The following PKD1L3 variants were observed in gnomAD, a reference collection of about 807,000 sequenced individuals.
PKD1L3 encodes polycystin-1-like protein 3.
Under a neutral mutation model 184.1 loss-of-function variants are expected in PKD1L3, and 239 were observed. The observed-to-expected ratio is 1.30, with a 90% CI of 1.17 to 1.45. The LOEUF (loss-of-function observed/expected upper bound fraction) is 1.45. Among genes scored for constraint, PKD1L3 ranks in the 40% most tolerant of loss-of-function variants. PKD1L3 has a pLI of 0.00. For synonymous variants in PKD1L3, 996 were observed against 778.8 expected (o/e 1.28, Z -4.64); for missense variants, 2,660 against 2,067.2 (o/e 1.29, Z -5.56).
chr16:71,937,476 G>A, intron 24 of PKD1L3, 57 bp from the exon 25 acceptor site: 1 of 1,522,228 alleles, frequency 6.6e-7, no homozygotes, highest in South Asian at 1.3e-5. Flanking sequence ...CCCTCTTCTT[G>A]TTAAACTTTG....
At chr16:71,999,618 T>G in intron 1 of PKD1L3, 66 bp downstream of exon 1, 1 of 1,337,746 alleles carries the variant, frequency 7.5e-7, no homozygotes, top group South Asian at 2.0e-5. Flanking sequence ...ATTTTCTTTT[T>G]TTTTTCTGTC....
chr16:71,958,278 T>C (rs1597320260), intron 16 of PKD1L3, among the ~76,000 whole-genome samples: 1 of 149,444 alleles, frequency 6.7e-6, no homozygotes, highest in East Asian at 2.0e-4. Flanking sequence ...TCCCAGCTAC[T>C]TGGGAGGCTG....
Position 71,986,253 on chromosome 16 carries a change from G to A in PKD1L3, c.802C>T (p.Leu268=), listed in dbSNP as rs769933066. The part of the protein sequence containing the change: ...EGHPNTFTSY[L]QVSLQKASGQ... The stretch of plus-strand genomic sequence containing the variant: ...GATGCCTTCTGCAATGACACTTGTA[G>A]ATAAGAGGTGAAGGTATTCGGATGA... The change falls in exon 5 of 30, where the codon CTA becomes TTA. Residue 268 remains leucine, a synonymous_variant. Transcript: ENST00000620267. 3 of 1,552,240 alleles carry A rather than the reference G, an allele frequency of 1.9e-6. No individual in the cohort carries two copies. The highest frequency in any genetic ancestry group is 2.7e-5 in the African/African-American group (2 of 73,060).
At chr16:71,990,403 C>T (rs2040542783) in intron 3 of PKD1L3, 74 bp from the exon 4 acceptor site, 1 of 1,249,122 alleles carries the variant, frequency 8.0e-7, no homozygotes, top group Admixed American at 2.3e-5. Flanking sequence ...TTGAGGACTT[C>T]TTATTCATGG....
chr16:71,989,181 G>A (rs188819376), intron 4 of PKD1L3, among the ~76,000 whole-genome samples: 2 of 152,180 alleles, frequency 1.3e-5, no homozygotes, highest in African/African-American at 4.8e-5. Context: ...TTGAGATGCA[G>A]TCTCCCTCTG....
Position 71,942,897 on chromosome 16 carries a change from C to T in PKD1L3, c.3987G>A (p.Gln1329=), listed in dbSNP as rs1414456830. The part of the protein sequence containing the change: ...SHQFSEIKLL[Q]DFYPWANHIL... ...TATGATTGGCCCAGGGGTAGAAATC[C>T]TGAAGAAGTTTGATTTCCGAGAACT... is the stretch of plus-strand genomic sequence containing the variant. Residue 1329 remains glutamine, a synonymous_variant, in exon 24 of 30, where the codon CAG becomes CAA. Coordinates refer to ENST00000620267, the MANE Select transcript of PKD1L3 (RefSeq NM_181536.2). The T allele has an allele frequency of 6.4e-7, 1 of 1,551,566 alleles. No homozygotes were observed. Among genetic ancestry groups the T allele is most frequent in the African/African-American group, 1.4e-5 (1 of 73,138 alleles).
intron 6 of PKD1L3, 79 bp downstream of exon 6, chr16:71,983,957 C>T: frequency 6.6e-7 from 1 of 1,516,344 alleles, no homozygotes. Flanking sequence ...GCCACCGCAC[C>T]CAGCCTCAGA....
chr16:71,941,141 C>A (rs1332480458), intron 24 of PKD1L3, among the ~76,000 whole-genome samples: 1 of 151,872 alleles, frequency 6.6e-6, no homozygotes, highest in Non-Finnish European at 1.5e-5. Flanking sequence ...CCCAGCCTGC[C>A]TTTCTTTAAA....
At chr16:71,991,336 T>G in intron 3 of PKD1L3, 1 of 215,374 alleles carries the variant, frequency 4.6e-6, no homozygotes, top group South Asian at 9.4e-5. Context: ...ACACCCACCA[T>G]GATGATGGAG....
chr16:71,971,831 A>G (rs1013290177), intron 12 of PKD1L3, among the ~76,000 whole-genome samples: 1 of 152,184 alleles, frequency 6.6e-6, no homozygotes, highest in Non-Finnish European at 1.5e-5. Context: ...CTGTAATTCC[A>G]GCACTTTGAG....
At chr16:71,993,195 A>G (rs764027317) in intron 3 of PKD1L3, 21 bp downstream of exon 3, 5 of 1,469,950 alleles carry the variant, frequency 3.4e-6, no homozygotes, top group Non-Finnish European at 4.6e-6. Flanking sequence ...TTTTAAGGTT[A>G]CTAGAGGAGT....
chr16:71,961,322 C>T (rs1169180153), intron 16 of PKD1L3, among the ~76,000 whole-genome samples: 1 of 152,012 alleles, frequency 6.6e-6, no homozygotes, highest in African/African-American at 2.4e-5. Context: ...GGGGTTTTAC[C>T]ATGTTGGCCA....
chr16:71,999,018 T>A (rs1242476645), intron 1 of PKD1L3, among the ~76,000 whole-genome samples: 2 of 152,174 alleles, frequency 1.3e-5, no homozygotes, highest in East Asian at 3.9e-4. Context: ...ACGCCTGTAA[T>A]CCCAGCACTT....
At chr16:71,933,552 A>G (rs2038066535) in intron 27 of PKD1L3, 31 bp from the exon 28 acceptor site, 1 of 1,442,766 alleles carries the variant, frequency 6.9e-7, no homozygotes, top group African/African-American at 1.4e-5. Context: ...CAGTTAGTGC[A>G]AGCCGAGCGC....
At chr16:71,962,981 T>C (rs1419536773) in intron 16 of PKD1L3, among the ~76,000 whole-genome samples, 3 of 152,148 alleles carry the variant, frequency 2.0e-5, no homozygotes, top group Non-Finnish European at 4.4e-5. Context: ...TTTCAGAAAA[T>C]AAGGGCAATA....
Position 71,949,815 on chromosome 16 carries a change from G to T in PKD1L3, c.3586C>A (p.Leu1196Ile). 1 of 1,551,144 alleles carries T rather than the reference G, an allele frequency of 6.4e-7. No homozygotes were observed. Among genetic ancestry groups the T allele is most frequent in the Non-Finnish European group, 8.7e-7 (1 of 1,146,912 alleles). Residue 1196 changes from leucine to isoleucine, a missense_variant, in exon 21 of 30, where the codon CTT (leucine) becomes ATT (isoleucine). Transcript: ENST00000620267. The part of the protein sequence containing the change: ...SWMISIILSV[L>I]QNIFISQPVK... Reference sequence around the variant, plus strand: ...GGCTGGCTGATGAAGATGTTCTGAAGCACTGATAAAATAATTGAAATCATC... The same window carrying T: ...GGCTGGCTGATGAAGATGTTCTGAATCACTGATAAAATAATTGAAATCATC...
intron 9 of PKD1L3, among the ~76,000 whole-genome samples, chr16:71,979,295 T>G (rs2040055837): frequency 6.6e-6 from 1 of 152,026 alleles, no homozygotes; most frequent in Admixed American, 6.6e-5. Flanking sequence ...AATACAAAAA[T>G]TAGCCAGGCA....
chr16:71,989,416 G>A (rs1418417365), intron 4 of PKD1L3, among the ~76,000 whole-genome samples: 2 of 152,230 alleles, frequency 1.3e-5, no homozygotes, highest in South Asian at 4.1e-4. Flanking sequence ...GCCTCCCAAA[G>A]GGCTGGGATT....
At chr16:71,967,079 T>G (rs2039526181) in intron 15 of PKD1L3, 58 bp downstream of exon 15, 6 of 1,473,406 alleles carry the variant, frequency 4.1e-6, no homozygotes, top group Non-Finnish European at 5.5e-6. Flanking sequence ...GTGATCTTCT[T>G]TCTTCTCTCT....
Sources: gnomAD v4.1 joint callset for allele counts (sites outside exome capture counted in the v4.1 genomes callset) on GRCh38, gnomAD v4.1.1 for gene constraint, MANE v1.5 for transcripts, NCBI Gene and HGNC (gene_info 2026-07-23, HGNC 2026-07-21) for gene names.